The following EXOC6B variants were observed in gnomAD, a reference collection of about 807,000 sequenced individuals.
EXOC6B encodes the protein exocyst complex component 6B.
Under a neutral mutation model 113.5 loss-of-function variants are expected in EXOC6B, and 54 were observed. The observed-to-expected ratio is 0.48, with a 90% confidence interval of 0.38 to 0.60. The LOEUF is 0.60. Among genes scored for constraint, EXOC6B ranks in the 20% least tolerant of loss-of-function variants. The pLI is 0.00. For synonymous variants in EXOC6B, 357 were observed against 339.0 expected (o/e 1.05, Z -0.58); for missense variants, 797 against 977.5 (o/e 0.82, Z 2.46).
At chr2:72,345,331 A>G (rs2104921619) in intron 19 of EXOC6B, among the ~76,000 whole-genome samples, 1 of 152,260 alleles carries the variant, frequency 6.6e-6, no homozygotes, top group Non-Finnish European at 1.5e-5. Context: ...ATTGCTTGGT[A>G]TTACTCAAAT....
intron 20 of EXOC6B, among the ~76,000 whole-genome samples, chr2:72,241,127 G>A (rs1295315967): frequency 6.6e-6 from 1 of 152,136 alleles, no homozygotes; most frequent in Non-Finnish European, 1.5e-5. Context: ...GTGGAAAAAT[G>A]GACAACATGC....
chr2:72,381,689 C>T (rs1308148162), intron 18 of EXOC6B, among the ~76,000 whole-genome samples: 3 of 152,114 alleles, frequency 2.0e-5, no homozygotes, highest in African/African-American at 7.2e-5. Context: ...TATGTGAAGA[C>T]AAACACAAGT....
intron 6 of EXOC6B, among the ~76,000 whole-genome samples, chr2:72,655,095 C>G (rs1386456204): frequency 6.6e-6 from 1 of 152,114 alleles, no homozygotes; most frequent in East Asian, 1.9e-4. Context: ...TATGGTTTTC[C>G]AACTTACGTG....
At chr2:72,405,769 C>A (rs1309220826) in intron 18 of EXOC6B, among the ~76,000 whole-genome samples, 1 of 152,268 alleles carries the variant, frequency 6.6e-6, no homozygotes, top group Admixed American at 6.5e-5. Context: ...TAAAGACCAT[C>A]GATGCTAGGA....
At chr2:72,400,893 GA>G (rs1693099481) in intron 18 of EXOC6B, among the ~76,000 whole-genome samples, 1 of 151,804 alleles carries the variant, frequency 6.6e-6, no homozygotes, top group Non-Finnish European at 1.5e-5. Context: ...AAATTTCTCA[GA>G]AAACTAAAAA....
chr2:72,393,222 T>G (rs1162517277), intron 18 of EXOC6B, among the ~76,000 whole-genome samples: 1 of 152,032 alleles, frequency 6.6e-6, no homozygotes, highest in Non-Finnish European at 1.5e-5. Context: ...GCCTCCCAAG[T>G]AGCTGGGACT....
intron 18 of EXOC6B, among the ~76,000 whole-genome samples, chr2:72,443,991 A>C (rs1696403401): frequency 6.6e-6 from 1 of 152,140 alleles, no homozygotes; most frequent in South Asian, 2.1e-4. Flanking sequence ...TTCAGCATTA[A>C]CTCAAGAGTC....
intron 8 of EXOC6B, among the ~76,000 whole-genome samples, chr2:72,536,313 A>G (rs955903466): frequency 2.0e-5 from 3 of 152,210 alleles, no homozygotes; most frequent in African/African-American, 7.2e-5. Flanking sequence ...TTTAATTTAT[A>G]TAAATGAGAT....
chr2:72,298,269 G>A (rs1299000505), intron 20 of EXOC6B, among the ~76,000 whole-genome samples: 2 of 151,960 alleles, frequency 1.3e-5, no homozygotes, highest in African/African-American at 4.8e-5. Context: ...ATCTTTGTTG[G>A]TTTAAAGTCT....
At chr2:72,218,725 C>T (rs750352970) in intron 20 of EXOC6B, among the ~76,000 whole-genome samples, 5 of 151,968 alleles carry the variant, frequency 3.3e-5, no homozygotes, top group African/African-American at 7.3e-5. Flanking sequence ...AGTGCAGTGG[C>T]GATCTAGGCT....
chr2:72,358,180 G>A (rs1690084997), intron 19 of EXOC6B, among the ~76,000 whole-genome samples: 1 of 152,036 alleles, frequency 6.6e-6, no homozygotes, highest in Admixed American at 6.5e-5. Context: ...ATGTATTTAT[G>A]TTCTGTCACC....
Position 72,718,107 on chromosome 2 carries a change from T to A in EXOC6B, c.665A>T (p.Lys222Met). ...TATCATAAACCCAAGACCTACTTGC[T>A]TCATGGCAGTCTCTCCAATTTTGTC... ...HSDKIGETAM[K>M]QAQQQRNLDN... The change falls in exon 6 of 22, where the codon AAG (lysine) becomes ATG (methionine). Residue 222 changes from lysine (K) to methionine (M), a missense_variant. Coordinates refer to ENST00000272427, the MANE Select transcript of EXOC6B (RefSeq NM_015189.3). 1.9e-6 allele frequency: 3 copies of A among 1,607,120 alleles called. No homozygotes were observed. The highest frequency in any genetic ancestry group is 2.6e-6 in the Non-Finnish European group (3 of 1,176,262).
At chr2:72,260,168 A>G (rs1381065934) in intron 20 of EXOC6B, among the ~76,000 whole-genome samples, 1 of 152,190 alleles carries the variant, frequency 6.6e-6, no homozygotes, top group Non-Finnish European at 1.5e-5. Context: ...AGGTTTATAT[A>G]TGATAATAAG....
chr2:72,302,439 T>G (rs1259905234), intron 20 of EXOC6B, among the ~76,000 whole-genome samples: 4 of 151,900 alleles, frequency 2.6e-5, no homozygotes, highest in African/African-American at 9.7e-5. Context: ...GTCAGTGGAG[T>G]GTTGTTATTG....
chr2:72,650,998 T>C (rs946342535), intron 6 of EXOC6B, among the ~76,000 whole-genome samples: 7 of 151,880 alleles, frequency 4.6e-5, no homozygotes, highest in African/African-American at 1.7e-4. Flanking sequence ...AAAACAGATA[T>C]CTTGAACCCT....
chr2:72,794,675 AC>A (rs1684849441), intron 1 of EXOC6B, among the ~76,000 whole-genome samples: 1 of 152,242 alleles, frequency 6.6e-6, no homozygotes, highest in South Asian at 2.1e-4. Context: ...CACTGTATAT[AC>A]CAGGTGATAG....
intron 11 of EXOC6B, among the ~76,000 whole-genome samples, chr2:72,503,008 A>G (rs953776410): frequency 1.3e-5 from 2 of 152,160 alleles, no homozygotes; most frequent in Non-Finnish European, 2.9e-5. Context: ...ATAAACTTCT[A>G]AGAAGCCAAT....
intron 6 of EXOC6B, among the ~76,000 whole-genome samples, chr2:72,641,767 G>A (rs1409582187): frequency 1.3e-5 from 2 of 152,232 alleles, no homozygotes; most frequent in African/African-American, 4.8e-5. Flanking sequence ...CCTCAAGTGG[G>A]TCCCTGACCC....
chr2:72,327,092 A>C (rs1688167823), intron 20 of EXOC6B, among the ~76,000 whole-genome samples: 1 of 152,034 alleles, frequency 6.6e-6, no homozygotes, highest in South Asian at 2.1e-4. Context: ...TTGTCTTCAC[A>C]TATCTGCCAT....
Sources: gnomAD v4.1 joint callset for allele counts (sites outside exome capture counted in the v4.1 genomes callset) on GRCh38, gnomAD v4.1.1 for gene constraint, MANE v1.5 for transcripts, NCBI Gene and HGNC (gene_info 2026-07-23, HGNC 2026-07-21) for gene names.